The following CHST8 variants were observed in gnomAD, a reference collection of about 807,000 sequenced individuals.
CHST8 encodes GALNAC-4-ST1.
CHST8 carries 10 observed loss-of-function variants against 15.0 expected under a neutral mutation model. The ratio of observed to expected loss-of-function variants is 0.67; its 90% CI spans 0.41 to 1.13. The LOEUF (loss-of-function observed/expected upper bound fraction) is 1.13, where lower values mean the gene tolerates loss of function less well. Ranked by LOEUF, CHST8 falls within the 50% of genes most tolerant of loss-of-function variation. The pLI, the probability that CHST8 is intolerant of heterozygous loss-of-function variation, is 0.00. For missense variants in CHST8, 634 were observed against 608.2 expected (o/e 1.04, Z -0.45); for synonymous variants, 259 against 256.6 (o/e 1.01, Z -0.09).
chr19:33,724,951 C>G (rs1973866042), intron 3 of CHST8, among the ~76,000 whole-genome samples: 1 of 152,220 alleles, frequency 6.6e-6, no homozygotes, highest in South Asian at 2.1e-4. Context: ...GAGGATCGAC[C>G]CAGCAGATGC....
intron 1 of CHST8, among the ~76,000 whole-genome samples, chr19:33,622,802 G>C (rs1266358919): frequency 1.3e-5 from 2 of 152,182 alleles, no homozygotes; most frequent in Non-Finnish European, 1.5e-5. Flanking sequence ...CGGCTCCGTC[G>C]CGCGCGTCCC....
chr19:33,772,492 G>T lies in CHST8; in HGVS notation c.704G>T (p.Arg235Leu). 1.2e-6 allele frequency: 2 copies of T among 1,613,692 alleles called. No homozygotes were observed. The highest frequency in any genetic ancestry group is 1.7e-6 in the Non-Finnish European group (2 of 1,180,026). ...GTCCACTATGGCAGCGCTCTCAAGC[G>T]CCTGGACACCTTCGACCGCCAGGGT... The part of the protein sequence containing the change: ...NTVHYGSALK[R>L]LDTFDRQGIL... Residue 235 changes from arginine (R) to leucine (L), a missense_variant, in exon 5 of 5, where the codon CGC becomes CTC. Arg to Leu is a moderately radical substitution (Grantham distance 102). Coordinates refer to ENST00000650847, the MANE Select transcript of CHST8 (RefSeq NM_001127895.2).
At chr19:33,703,814 G>A (rs1390725762) in intron 3 of CHST8, among the ~76,000 whole-genome samples, 1 of 152,236 alleles carries the variant, frequency 6.6e-6, no homozygotes, top group African/African-American at 2.4e-5. Flanking sequence ...CTGCAGTTTT[G>A]ACTTGAATCA....
chr19:33,736,213 G>A (rs1455320483), intron 3 of CHST8, among the ~76,000 whole-genome samples: 4 of 152,228 alleles, frequency 2.6e-5, no homozygotes, highest in Admixed American at 6.5e-5. Flanking sequence ...GGGTGCTTCC[G>A]AGTTGAGGTG....
chr19:33,714,960 C>T (rs1421099341), intron 3 of CHST8, among the ~76,000 whole-genome samples: 7 of 152,290 alleles, frequency 4.6e-5, no homozygotes, highest in Non-Finnish European at 8.8e-5. Context: ...ACCTCTGCAG[C>T]CCACCCTGAG....
intron 3 of CHST8, among the ~76,000 whole-genome samples, chr19:33,758,790 G>A (rs1305942540): frequency 6.6e-6 from 1 of 152,204 alleles, no homozygotes; most frequent in African/African-American, 2.4e-5. Flanking sequence ...ACAGGCATGT[G>A]TCAGCACATT....
At chr19:33,663,046 G>A (rs1279968350) in intron 1 of CHST8, among the ~76,000 whole-genome samples, 1 of 152,184 alleles carries the variant, frequency 6.6e-6, no homozygotes, top group Non-Finnish European at 1.5e-5. Flanking sequence ...TGTCTGTGTT[G>A]TAGAGGAAGA....
At chr19:33,623,321 T>A (rs770027934) in intron 1 of CHST8, among the ~76,000 whole-genome samples, 1 of 152,182 alleles carries the variant, frequency 6.6e-6, no homozygotes, top group Non-Finnish European at 1.5e-5. Context: ...CAGAGGACTC[T>A]GCGTCCCTGG....
chr19:33,724,157 G>A (rs907670572), intron 3 of CHST8, among the ~76,000 whole-genome samples: 2 of 152,190 alleles, frequency 1.3e-5, no homozygotes, highest in African/African-American at 4.8e-5. Context: ...GCCACAGGCA[G>A]CTGCTCTGGC....
At chr19:33,641,818 A>C (rs146153438) in intron 1 of CHST8, among the ~76,000 whole-genome samples, 1 of 152,200 alleles carries the variant, frequency 6.6e-6, no homozygotes, top group Non-Finnish European at 1.5e-5. Context: ...GAAAGGGATG[A>C]GGGTTTCCAG....
intron 1 of CHST8, among the ~76,000 whole-genome samples, chr19:33,649,275 T>TC (rs1568314328): frequency 1.3e-5 from 2 of 152,024 alleles, no homozygotes; most frequent in African/African-American, 4.8e-5. Flanking sequence ...GGTTTGCATT[T>TC]CCCCAATGAG....
At position 33,755,742 on chromosome 19, in the gene CHST8, C is replaced by T. The variant is rs531603280; in HGVS notation, c.131-15671C>T. Among the ~76,000 whole-genome samples, 185 of 152,328 alleles carry T rather than the reference C, an allele frequency of 1.2e-3. No individual in the cohort carries two copies. The Middle Eastern group carries it at 0.017, about 14-fold the overall frequency. On this transcript the variant is annotated intron_variant, in intron 3 of 4. Coordinates refer to ENST00000650847, the MANE Select transcript of CHST8 (RefSeq NM_001127895.2). Reference sequence around the variant, plus strand: ...CTCTGTGTCCGTGGTGGGCTCTCTTCGTCCCGAGAGCAGCTGCGCTGGTTG... The same window carrying T: ...CTCTGTGTCCGTGGTGGGCTCTCTTTGTCCCGAGAGCAGCTGCGCTGGTTG...
intron 3 of CHST8, among the ~76,000 whole-genome samples, chr19:33,726,905 C>T (rs891726774): frequency 6.6e-6 from 1 of 151,828 alleles, no homozygotes; most frequent in Non-Finnish European, 1.5e-5. Context: ...TCCCCCACCT[C>T]GACCCGCACC....
At chr19:33,734,797 A>G (rs1328992757) in intron 3 of CHST8, among the ~76,000 whole-genome samples, 1 of 152,172 alleles carries the variant, frequency 6.6e-6, no homozygotes, top group African/African-American at 2.4e-5. Context: ...GACTTCCCCC[A>G]GGGACCTTCC....
At chr19:33,643,127 G>A (rs764471156) in intron 1 of CHST8, among the ~76,000 whole-genome samples, 2 of 152,174 alleles carry the variant, frequency 1.3e-5, no homozygotes, top group African/African-American at 2.4e-5. Flanking sequence ...GTCTCAAAGG[G>A]TATGCCCGTC....
intron 3 of CHST8, among the ~76,000 whole-genome samples, chr19:33,723,392 G>T (rs1973837972): frequency 6.6e-6 from 1 of 152,220 alleles, no homozygotes; most frequent in African/African-American, 2.4e-5. Context: ...AGGTGTGTGA[G>T]GGGCCTGTGT....
At chr19:33,703,178 C>T (rs1973378777) in intron 3 of CHST8, among the ~76,000 whole-genome samples, 1 of 152,222 alleles carries the variant, frequency 6.6e-6, no homozygotes, top group African/African-American at 2.4e-5. Flanking sequence ...CTTTGCCCGG[C>T]TCTGTCCCCT....
intron 3 of CHST8, among the ~76,000 whole-genome samples, chr19:33,758,453 A>C (rs1433842643): frequency 6.6e-6 from 1 of 152,190 alleles, no homozygotes; most frequent in Non-Finnish European, 1.5e-5. Context: ...CCCAGGCCAG[A>C]GCGGCCTGCA....
At chr19:33,633,346 A>G (rs1000708280) in intron 1 of CHST8, among the ~76,000 whole-genome samples, 1 of 152,164 alleles carries the variant, frequency 6.6e-6, no homozygotes, top group Non-Finnish European at 1.5e-5. Context: ...TTTTATGGAC[A>G]GTATTGCTAT....
Sources: allele counts gnomAD v4.1 joint callset (sites outside exome capture counted in the v4.1 genomes callset), GRCh38; gene constraint gnomAD v4.1.1; transcripts MANE v1.5; gene names NCBI Gene and HGNC (gene_info 2026-07-23, HGNC 2026-07-21).